ADAMTS16: variants seen among roughly 807,000 people sequenced by gnomAD.
ADAMTS16 encodes ADAM metallopeptidase with thrombospondin type 1 motif 16.
Under a neutral mutation model 145.8 loss-of-function variants are expected in ADAMTS16, and 94 were observed. That is an observed-to-expected ratio of 0.64 (90% CI 0.55 to 0.77). The LOEUF (loss-of-function observed/expected upper bound fraction) is 0.77. ADAMTS16 is among the 30% of genes least tolerant of loss of function. The pLI, the probability that ADAMTS16 is intolerant of heterozygous loss-of-function variation, is 0.00. For synonymous variants in ADAMTS16, 659 were observed against 604.3 expected, an observed-to-expected ratio of 1.09 and a Z score of -1.33; for missense variants, 1,585 against 1,591.5, an observed-to-expected ratio of 1.00 and a Z score of 0.07.
intron 21 of ADAMTS16, among the ~76,000 whole-genome samples, chr5:5,316,302 C>G (rs1734057210): frequency 6.6e-6 from 1 of 152,180 alleles, no homozygotes; most frequent in Non-Finnish European, 1.5e-5. Flanking sequence ...TTTAAAGCAA[C>G]AGTTTTGTTG....
Position 5,250,522 on chromosome 5 carries a change from C to G in ADAMTS16, c.2662+8331C>G, listed in dbSNP as rs577576298. On this transcript the variant is annotated intron_variant, in intron 17 of 22. Coordinates refer to ENST00000274181, the MANE Select transcript of ADAMTS16 (RefSeq NM_139056.4). The stretch of plus-strand genomic sequence containing the variant: ...ATAACTCAAACCTACTCTTTAGTAA[C>G]CCAACCATGTGACACCTGTGTGATC... Among the ~76,000 whole-genome samples the G allele has an allele frequency of 7.9e-5, 12 of 152,292 alleles. No homozygotes were observed. In the South Asian group the frequency reaches 2.5e-3, roughly 32 times the overall value.
rs1184770493 is a variant in ADAMTS16 at position 5,141,017 on chromosome 5, G to A, written c.175+251G>A. Among the ~76,000 whole-genome samples, 4 of 152,096 alleles carry A rather than the reference G, an allele frequency of 2.6e-5. No individual in the cohort carries two copies. The East Asian group carries it at 7.7e-4, about 29-fold the overall frequency. ...TGATATAACATTAGGAAAAAGGTGA[G>A]GAAGTTCATTTTATTTTATTCTAAA... On this transcript the variant is annotated intron_variant, in intron 2 of 22. Coordinates refer to ENST00000274181, the MANE Select transcript of ADAMTS16 (RefSeq NM_139056.4).
chr5:5,190,416 G>T (rs967194600), intron 7 of ADAMTS16, among the ~76,000 whole-genome samples: 2 of 152,050 alleles, frequency 1.3e-5, no homozygotes, highest in African/African-American at 4.8e-5. Context: ...TACTGCTTGT[G>T]CCAATGGGGT....
intron 18 of ADAMTS16, among the ~76,000 whole-genome samples, chr5:5,277,306 T>C (rs554855285): frequency 6.6e-6 from 1 of 152,316 alleles, no homozygotes; most frequent in East Asian, 1.9e-4. Context: ...ACAGCATGTG[T>C]TCAGTTACTC....
intron 3 of ADAMTS16, among the ~76,000 whole-genome samples, chr5:5,170,491 G>C (rs1389376624): frequency 1.3e-5 from 2 of 152,038 alleles, no homozygotes; most frequent in African/African-American, 4.8e-5. Flanking sequence ...CGATTCTCCT[G>C]CCTCAGCCCC....
At chr5:5,158,340 A>T (rs1734654335) in intron 3 of ADAMTS16, among the ~76,000 whole-genome samples, 1 of 152,168 alleles carries the variant, frequency 6.6e-6, no homozygotes, top group Admixed American at 6.5e-5. Context: ...AGATGGGTGC[A>T]TGGTTGGATG....
chr5:5,269,642 G>A lies in ADAMTS16; in HGVS notation c.2789+6859G>A, dbSNP rs1177024621. Among the ~76,000 whole-genome samples the A allele has an allele frequency of 6.6e-6, 1 of 152,110 alleles. No individual in the cohort carries two copies. The highest frequency in any genetic ancestry group is 2.4e-5 in the African/African-American group (1 of 41,410). ...AAGGGCAGATGGTCCCGAGCCTCTA[G>A]AGGAGCCTTTGGAAGTTACTATTTT... On this transcript the variant is annotated intron_variant, in intron 18 of 22. Coordinates refer to ENST00000274181, the MANE Select transcript of ADAMTS16 (RefSeq NM_139056.4). The surrounding 1 kb of genome is among the most constrained non-coding windows in gnomAD (Gnocchi z 4.3).
chr5:5,294,030 T>C (rs1053109370), intron 18 of ADAMTS16, among the ~76,000 whole-genome samples: 1 of 152,144 alleles, frequency 6.6e-6, no homozygotes, highest in Non-Finnish European at 1.5e-5. Context: ...TGGGGAGCCA[T>C]GGAGTGTTTC....
chr5:5,320,093 T>TC lies in ADAMTS16; in HGVS notation c.*955_*956insC, dbSNP rs1734226392. The TC allele has an allele frequency of 2.8e-6, 1 of 355,122 alleles. No individual in the cohort carries two copies. The highest frequency in any genetic ancestry group is 5.3e-6 in the Non-Finnish European group (1 of 187,144). 22.0% of individuals were successfully genotyped at this position (355,122 alleles called of 1,614,324 possible). A position where few individuals can be genotyped will look rare whatever the true frequency, so the allele number is the denominator to read the frequency against. On this transcript the variant is annotated 3_prime_UTR_variant, in exon 23 of 23. Transcript: ENST00000274181. This position sits in a 1 kb window ranked among gnomAD's most constrained non-coding sequence, Gnocchi z 5.1. ...GTGTTGTGAGATTTTAATCTTTTTT[T>TC]TTTCGGTGAGTCTGGCCATTTCTAT...
At chr5:5,209,734 C>A (rs1579312997) in intron 10 of ADAMTS16, among the ~76,000 whole-genome samples, 1 of 152,090 alleles carries the variant, frequency 6.6e-6, no homozygotes, top group African/African-American at 2.4e-5. Context: ...ACCCCAGGAA[C>A]TTTACCAGAG....
At chr5:5,205,590 T>TG (rs1306187164) in intron 9 of ADAMTS16, among the ~76,000 whole-genome samples, 2 of 152,266 alleles carry the variant, frequency 1.3e-5, no homozygotes, top group Admixed American at 1.3e-4. Flanking sequence ...CTCCACATTC[T>TG]CATCAGTGTT....
Position 5,232,473 on chromosome 5 carries a change from G to A in ADAMTS16, c.1807G>A (p.Gly603Arg), listed in dbSNP as rs779214438. 2.4e-5 allele frequency: 39 copies of A among 1,613,886 alleles called. 1 individual carries two copies. In the Middle Eastern group the frequency reaches 1.2e-3, roughly 48 times the overall value. ...TTGGTCCCCATGCTCCAGGACCTGC[G>A]GAGGGGGAGTATCTCATAGGAGTCG... Reference protein sequence around the residue: ...SSWSPCSRTCGGGVSHRSRLC... With the variant: ...SSWSPCSRTCRGGVSHRSRLC... Residue 603 changes from glycine to arginine, a missense_variant, in exon 12 of 23, where the codon GGA (glycine) becomes AGA (arginine). Gly to Arg is a moderately radical substitution (Grantham distance 125, BLOSUM62 -2). Transcript: ENST00000274181.
intron 18 of ADAMTS16, among the ~76,000 whole-genome samples, chr5:5,300,583 G>T (rs957746389): frequency 2.0e-5 from 3 of 152,090 alleles, no homozygotes; most frequent in African/African-American, 7.2e-5. Flanking sequence ...ATAATTCAAG[G>T]CTTCTACAAA....
At chr5:5,315,137 G>A (rs1270411561) in intron 21 of ADAMTS16, among the ~76,000 whole-genome samples, 2 of 152,174 alleles carry the variant, frequency 1.3e-5, no homozygotes, top group Non-Finnish European at 1.5e-5. Context: ...TTCTTCACAT[G>A]ACGGCAGCAA....
intron 17 of ADAMTS16, among the ~76,000 whole-genome samples, chr5:5,252,715 G>A (rs545605433): frequency 6.6e-6 from 1 of 152,286 alleles, no homozygotes; most frequent in East Asian, 1.9e-4. Context: ...GATGGAATAT[G>A]CTGCAATAGG....
At chr5:5,199,238 G>C (rs1000606077) in intron 8 of ADAMTS16, among the ~76,000 whole-genome samples, 1 of 152,122 alleles carries the variant, frequency 6.6e-6, no homozygotes, top group Non-Finnish European at 1.5e-5. Flanking sequence ...GATTCTCACA[G>C]GTGCACGGCT....
At chr5:5,272,974 C>A (rs1396868002) in intron 18 of ADAMTS16, among the ~76,000 whole-genome samples, 1 of 152,096 alleles carries the variant, frequency 6.6e-6, no homozygotes, top group African/African-American at 2.4e-5. Flanking sequence ...GGAGTACTTG[C>A]AGGGGGAAGA....
chr5:5,140,386 C>T lies in ADAMTS16; in HGVS notation c.-82C>T, dbSNP rs1734118215. 2 of 1,371,962 alleles carry T rather than the reference C, an allele frequency of 1.5e-6. No homozygotes were observed. Among genetic ancestry groups the T allele is most frequent in the Admixed American group, 5.7e-5 (2 of 35,018 alleles). The allele number at this position is 1,371,962 out of a possible 1,614,324, so 85.0% of individuals were successfully genotyped here. The stretch of plus-strand genomic sequence containing the variant: ...TGTGGGGAATCCTCCCGCGCTCTGC[C>T]TGGGTCGGGTCCTCCCTGCCCGCTC... On this transcript the variant is annotated 5_prime_UTR_variant, in exon 1 of 23. Transcript: ENST00000274181.
At chr5:5,262,567 C>G (rs1299326504) in intron 17 of ADAMTS16, 90 bp from the exon 18 acceptor site, 7 of 1,520,230 alleles carry the variant, frequency 4.6e-6, no homozygotes, top group East Asian at 2.3e-5. Context: ...GGCTAAGATT[C>G]TTTGAAAGAG....
Sources: gnomAD v4.1 joint callset for allele counts (sites outside exome capture counted in the v4.1 genomes callset) on GRCh38, gnomAD v4.1.1 for gene constraint, Gnocchi (gnomAD v3.1) non-coding constraint, MANE v1.5 for transcripts, NCBI Gene and HGNC (gene_info 2026-07-23, HGNC 2026-07-21) for gene names.